Variants in CNTNAP4 observed in about 807,000 individuals in gnomAD.
The protein encoded by CNTNAP4 is contactin-associated protein-like 4.
CNTNAP4 carries 98 observed loss-of-function variants against 148.4 expected under a neutral mutation model. The ratio of observed to expected loss-of-function variants is 0.66; its 90% confidence interval spans 0.56 to 0.78. The LOEUF (loss-of-function observed/expected upper bound fraction) is 0.78. Among genes scored for constraint, CNTNAP4 ranks in the 30% least tolerant of loss-of-function variants. CNTNAP4 has a pLI of 0.00. For missense variants in CNTNAP4, 1,935 were observed against 1,565.6 expected, an observed-to-expected ratio of 1.24 and a Z score of -3.98; for synonymous variants, 730 against 565.1, an observed-to-expected ratio of 1.29 and a Z score of -4.14.
chr16:76,556,805 T>C (rs2144440242), intron 23 of CNTNAP4, among the ~76,000 whole-genome samples: 1 of 152,342 alleles, frequency 6.6e-6, no homozygotes, highest in African/African-American at 2.4e-5. Context: ...CAGAATTTGG[T>C]TACCACATTT....
chr16:76,318,772 CATA>C (rs58531052), intron 2 of CNTNAP4, among the ~76,000 whole-genome samples: 10 of 146,802 alleles, frequency 6.8e-5, no homozygotes, highest in Non-Finnish European at 9.0e-5. Context: ...TAATAATAAT[CATA>C]ATCATAATAA....
chr16:76,405,007 GT>G (rs1386705357), intron 3 of CNTNAP4, among the ~76,000 whole-genome samples: 1 of 151,740 alleles, frequency 6.6e-6, no homozygotes, highest in African/African-American at 2.4e-5. Context: ...ATTATTTGTT[GT>G]AACCTTAAAA....
chr16:76,489,926 A>G (rs1164183593), intron 13 of CNTNAP4, 43 bp downstream of exon 13: 1 of 1,292,528 alleles, frequency 7.7e-7, no homozygotes, highest in Non-Finnish European at 1.0e-6. Context: ...ACATCACATC[A>G]TGCACTTACT....
At chr16:76,515,642 A>T (rs1045127387) in intron 15 of CNTNAP4, among the ~76,000 whole-genome samples, 4 of 152,172 alleles carry the variant, frequency 2.6e-5, no homozygotes, top group African/African-American at 9.7e-5. Context: ...GGGCAGACTA[A>T]CACAATGGGC....
chr16:76,398,528 C>T (rs936390840), intron 3 of CNTNAP4, among the ~76,000 whole-genome samples: 22 of 152,082 alleles, frequency 1.4e-4, no homozygotes, highest in African/African-American at 5.3e-4. Flanking sequence ...GCTACATGCA[C>T]GTCCCTTTTA....
chr16:76,447,567 T>G (rs1295903863), intron 4 of CNTNAP4, among the ~76,000 whole-genome samples: 1 of 152,054 alleles, frequency 6.6e-6, no homozygotes, highest in African/African-American at 2.4e-5. Context: ...CAACTTACAG[T>G]TTTTTGACTT....
intron 3 of CNTNAP4, among the ~76,000 whole-genome samples, chr16:76,400,721 T>C (rs1326941510): frequency 2.0e-5 from 3 of 152,206 alleles, no homozygotes; most frequent in African/African-American, 7.2e-5. Flanking sequence ...TTGTATATGG[T>C]GTAAGGAAGG....
chr16:76,420,286 A>AGAATAATGTATATTCTGTAGAATATAT (rs1262105486), intron 3 of CNTNAP4, among the ~76,000 whole-genome samples: 2 of 151,638 alleles, frequency 1.3e-5, no homozygotes, highest in African/African-American at 2.4e-5. Flanking sequence ...GATAAATATT[A>AGAATAATGTATATTCTGTAGAATATAT]ATTTCCCTTT....
intron 13 of CNTNAP4, among the ~76,000 whole-genome samples, chr16:76,492,372 A>G (rs1229803930): frequency 1.3e-5 from 2 of 152,208 alleles, no homozygotes; most frequent in East Asian, 3.8e-4. Context: ...TTAAATGTGT[A>G]CAATTTTTAT....
intron 3 of CNTNAP4, among the ~76,000 whole-genome samples, chr16:76,367,837 A>G (rs879595534): frequency 1.3e-5 from 2 of 152,132 alleles, no homozygotes; most frequent in Non-Finnish European, 2.9e-5. Flanking sequence ...CTTACATTAC[A>G]TTAGTGATGT....
chr16:76,437,251 G>A (rs2079866018), intron 4 of CNTNAP4, among the ~76,000 whole-genome samples: 1 of 151,982 alleles, frequency 6.6e-6, no homozygotes, highest in Admixed American at 6.6e-5. Flanking sequence ...TTAAGGGTGG[G>A]TCTGCCTTCC....
intron 3 of CNTNAP4, among the ~76,000 whole-genome samples, chr16:76,409,759 T>C (rs2078726241): frequency 6.6e-6 from 1 of 151,966 alleles, no homozygotes; most frequent in Admixed American, 6.6e-5. Flanking sequence ...GATCAAAGCA[T>C]ATAGAGAGGC....
chr16:76,339,516 C>G (rs539225491), intron 2 of CNTNAP4, among the ~76,000 whole-genome samples: 1 of 151,986 alleles, frequency 6.6e-6, no homozygotes, highest in East Asian at 2.0e-4. Context: ...TTCAGACACT[C>G]TAGAGAAGAT....
chr16:76,301,133 G>A (rs1052398482), intron 1 of CNTNAP4, among the ~76,000 whole-genome samples: 2 of 151,870 alleles, frequency 1.3e-5, no homozygotes, highest in Non-Finnish European at 2.9e-5. Flanking sequence ...TAAGAGTAGT[G>A]TATAAAAAAT....
chr16:76,405,261 C>G (rs552063872), intron 3 of CNTNAP4, among the ~76,000 whole-genome samples: 1 of 152,056 alleles, frequency 6.6e-6, no homozygotes, highest in African/African-American at 2.4e-5. Flanking sequence ...TAAAACCATG[C>G]GAGTATTGTA....
At chr16:76,398,216 A>T (rs1178808679) in intron 3 of CNTNAP4, among the ~76,000 whole-genome samples, 2 of 151,324 alleles carry the variant, frequency 1.3e-5, no homozygotes, top group Admixed American at 1.3e-4. Context: ...CCATGCTGGT[A>T]GCTGATTAGA....
At chr16:76,496,635 A>G (rs902234180) in intron 14 of CNTNAP4, among the ~76,000 whole-genome samples, 1 of 152,176 alleles carries the variant, frequency 6.6e-6, no homozygotes, top group South Asian at 2.1e-4. Context: ...CACCTAATGA[A>G]CTATCAAACC....
intron 1 of CNTNAP4, among the ~76,000 whole-genome samples, chr16:76,288,278 A>G (rs566270550): frequency 4.6e-5 from 7 of 152,230 alleles, no homozygotes; most frequent in Admixed American, 3.3e-4. Flanking sequence ...CTCTCTAGCC[A>G]TGCAGAACAG....
intron 1 of CNTNAP4, among the ~76,000 whole-genome samples, chr16:76,292,428 A>T (rs186573684): frequency 1.3e-5 from 2 of 151,998 alleles, no homozygotes; most frequent in Non-Finnish European, 2.9e-5. Context: ...TCACTCATCA[A>T]TTGGTCTTGT....
Sources: gnomAD v4.1 joint callset for allele counts (sites outside exome capture counted in the v4.1 genomes callset) on GRCh38, gnomAD v4.1.1 for gene constraint, MANE v1.5 for transcripts, NCBI Gene and HGNC (gene_info 2026-07-23, HGNC 2026-07-21) for gene names.